Variants in PECR observed in about 807,000 individuals in gnomAD.
The protein encoded by PECR is 2,4-dienoyl-CoA reductase-related protein.
Under a neutral mutation model 35.3 loss-of-function variants are expected in PECR, and 30 were observed. The ratio of observed to expected loss-of-function variants is 0.85; its 90% CI spans 0.64 to 1.15. The LOEUF is 1.15. PECR is among the 50% of genes most tolerant of loss of function. The pLI is 0.00. For missense variants in PECR, 392 were observed against 370.8 expected (o/e 1.06, Z -0.47); for synonymous variants, 148 against 138.9 (o/e 1.07, Z -0.46).
intron 6 of PECR, among the ~76,000 whole-genome samples, chr2:216,046,276 G>GTATATATATACATACATATATATATATA (rs1559209144): frequency 1.6e-4 from 17 of 106,698 alleles, no homozygotes; most frequent in African/African-American, 6.3e-4. Context: ...ACCACATAAA[G>GTATATATATACATACATATATATATATA]TATATATATA....
intron 6 of PECR, among the ~76,000 whole-genome samples, chr2:216,046,868 CA>C (rs1287171016): frequency 2.6e-5 from 4 of 151,950 alleles, no homozygotes; most frequent in Admixed American, 2.6e-4. Context: ...ACTGCAAGAA[CA>C]AAAATATAAA....
At chr2:216,046,015 A>G (rs113067995) in intron 6 of PECR, among the ~76,000 whole-genome samples, 5,674 of 152,122 alleles carry the variant, frequency 0.037, 150 homozygotes, top group Middle Eastern at 0.065. Context: ...TGTCTCTACT[A>G]AAAATACAAA....
chr2:216,075,072 A>G (rs533956961), intron 1 of PECR, among the ~76,000 whole-genome samples: 59 of 152,304 alleles, frequency 3.9e-4, no homozygotes, highest in African/African-American at 1.3e-3. Flanking sequence ...GCTTGTGGTG[A>G]GTTCAAGACC....
intron 1 of PECR, among the ~76,000 whole-genome samples, chr2:216,069,145 T>G (rs1360129910): frequency 1.3e-5 from 2 of 152,272 alleles, no homozygotes; most frequent in African/African-American, 4.8e-5. Flanking sequence ...TCAACAACCA[T>G]GGTATATTAA....
intron 4 of PECR, among the ~76,000 whole-genome samples, chr2:216,055,520 C>T (rs1200709138): frequency 6.6e-6 from 1 of 150,928 alleles, no homozygotes; most frequent in African/African-American, 2.5e-5. Context: ...CATAAATATT[C>T]CCAAAAAAGG....
chr2:216,047,907 A>G (rs1695026210), intron 6 of PECR, among the ~76,000 whole-genome samples: 1 of 151,844 alleles, frequency 6.6e-6, no homozygotes, highest in Non-Finnish European at 1.5e-5. Context: ...TCACAGAAAA[A>G]GGGGTTTTTT....
At chr2:216,068,436 G>A (rs1277574433) in intron 1 of PECR, among the ~76,000 whole-genome samples, 3 of 152,176 alleles carry the variant, frequency 2.0e-5, no homozygotes, top group African/African-American at 7.2e-5. Context: ...GAAAAAGATG[G>A]TGAACCTAGA....
chr2:216,050,142 C>T (rs537416771), intron 5 of PECR, among the ~76,000 whole-genome samples: 10 of 152,138 alleles, frequency 6.6e-5, no homozygotes, highest in East Asian at 3.9e-4. Context: ...GGATCGCTTG[C>T]GCCCAGGAGT....
At chr2:216,043,080 T>TATAC (rs1559207898) in intron 7 of PECR, among the ~76,000 whole-genome samples, 1 of 145,970 alleles carries the variant, frequency 6.9e-6, no homozygotes, top group African/African-American at 2.5e-5. Flanking sequence ...TGTATATATA[T>TATAC]ACACATACAT....
intron 5 of PECR, among the ~76,000 whole-genome samples, chr2:216,050,146 CAGG>C (rs1201189895): frequency 6.6e-6 from 1 of 152,088 alleles, no homozygotes; most frequent in African/African-American, 2.4e-5. Context: ...CGCTTGCGCC[CAGG>C]AGTTCGAGGC....
chr2:216,070,302 A>G (rs979238886), intron 1 of PECR, among the ~76,000 whole-genome samples: 1 of 152,236 alleles, frequency 6.6e-6, no homozygotes, highest in Non-Finnish European at 1.5e-5. Context: ...CTTTGAGCTA[A>G]GAACCACTTT....
chr2:216,043,633 G>A (rs571894086), intron 7 of PECR, among the ~76,000 whole-genome samples: 6 of 151,872 alleles, frequency 4.0e-5, no homozygotes, highest in African/African-American at 1.2e-4. Flanking sequence ...CTCCTCTTTC[G>A]AAACATATAC....
At chr2:216,065,770 A>T (rs1429175341) in intron 2 of PECR, among the ~76,000 whole-genome samples, 1 of 152,248 alleles carries the variant, frequency 6.6e-6, no homozygotes, top group Non-Finnish European at 1.5e-5. Flanking sequence ...TCATATATTA[A>T]TTTGACAGCT....
At position 216,080,980 on chromosome 2, in the gene PECR, A is replaced by C. The variant is rs143517062; in HGVS notation, c.124+638T>G. On this transcript the variant is annotated intron_variant, in intron 1 of 7. Coordinates refer to ENST00000265322, the MANE Select transcript of PECR (RefSeq NM_018441.6). Reference sequence around the variant, plus strand: ...AGACCAGCGTAGGCAACAGAGTGAGACCCTATCTCAAAACCAACAAACAAT... The same window carrying C: ...AGACCAGCGTAGGCAACAGAGTGAGCCCCTATCTCAAAACCAACAAACAAT... Among the ~76,000 whole-genome samples, 440 of 152,312 alleles carry C rather than the reference A, an allele frequency of 2.9e-3. 2 individuals carry two copies. Among genetic ancestry groups the C allele is most frequent in the African/African-American group, 0.01 (418 of 41,574 alleles).
rs750123896 is a variant in PECR at position 216,066,535 on chromosome 2, A to G, written c.125-17T>C. The G allele has an allele frequency of 2.9e-5, 47 of 1,612,690 alleles. No homozygotes were observed. The highest frequency in any genetic ancestry group is 3.8e-5 in the Non-Finnish European group (45 of 1,178,836). The stretch of plus-strand genomic sequence containing the variant: ...CATTACTCCCTGAGGAGAAACAGCC[A>G]GAGAACAAATAAATATGCCTTCATG... On this transcript the variant is annotated splice_polypyrimidine_tract_variant and intron_variant, in intron 1 of 7. Coordinates refer to ENST00000265322, the MANE Select transcript of PECR (RefSeq NM_018441.6).
chr2:216,055,146 A>C lies in PECR; in HGVS notation c.507-3601T>G, dbSNP rs543954337. Reference sequence around the variant, plus strand: ...AAAAAAAAAGACACTTAATGTAAAAACAACTTGTAGGCCAGGCACAGTGGC... The same window carrying C: ...AAAAAAAAAGACACTTAATGTAAAACCAACTTGTAGGCCAGGCACAGTGGC... On this transcript the variant is annotated intron_variant, in intron 4 of 7. Transcript: ENST00000265322. Among the ~76,000 whole-genome samples, 3 of 151,342 alleles carry C rather than the reference A, an allele frequency of 2.0e-5. No homozygotes were observed. The East Asian group carries it at 5.8e-4, about 29-fold the overall frequency.
At chr2:216,043,404 C>G (rs1347030440) in intron 7 of PECR, among the ~76,000 whole-genome samples, 3 of 152,226 alleles carry the variant, frequency 2.0e-5, no homozygotes, top group East Asian at 3.9e-4. Flanking sequence ...GCCACCATAC[C>G]CGGCCAAATT....
intron 1 of PECR, among the ~76,000 whole-genome samples, chr2:216,076,258 T>C (rs1695695121): frequency 6.6e-6 from 1 of 152,180 alleles, no homozygotes; most frequent in South Asian, 2.1e-4. Context: ...AGTGGCGTGA[T>C]CTCGGCTCAC....
chr2:216,080,470 C>T (rs1439462194), intron 1 of PECR, among the ~76,000 whole-genome samples: 1 of 152,132 alleles, frequency 6.6e-6, no homozygotes, highest in Admixed American at 6.6e-5. Flanking sequence ...TCCATTTTTT[C>T]ACTACTCAAG....
Sources: gnomAD v4.1 joint callset for allele counts (sites outside exome capture counted in the v4.1 genomes callset) on GRCh38, gnomAD v4.1.1 for gene constraint, MANE v1.5 for transcripts, NCBI Gene and HGNC (gene_info 2026-07-23, HGNC 2026-07-21) for gene names.